The following NPLOC4 variants were observed in gnomAD, a reference collection of about 807,000 sequenced individuals.
NPLOC4 encodes nuclear protein localization protein 4 homolog.
In NPLOC4, 18 loss-of-function variants were observed where a neutral mutation model predicts 80.6. The ratio of observed to expected loss-of-function variants is 0.22; its 90% CI spans 0.15 to 0.33. The LOEUF is 0.33. Among genes scored for constraint, NPLOC4 ranks in the 10% least tolerant of loss-of-function variants. NPLOC4 has a pLI of 1.00. For missense variants in NPLOC4, 540 were observed against 786.1 expected (o/e 0.69, Z 3.74); for synonymous variants, 313 against 301.5 (o/e 1.04, Z -0.39).
chr17:81,575,621 G>A (rs1217595651), intron 12 of NPLOC4, among the ~76,000 whole-genome samples: 2 of 152,204 alleles, frequency 1.3e-5, no homozygotes, highest in African/African-American at 4.8e-5. Flanking sequence ...AGGACAGCTG[G>A]ACAGCTGTGT....
chr17:81,605,293 TA>T (rs201813049), intron 7 of NPLOC4, among the ~76,000 whole-genome samples: 28,393 of 97,150 alleles, frequency 0.29, 2,957 homozygotes, highest in Non-Finnish European at 0.35. Flanking sequence ...AAAAAAAAAA[TA>T]AATAATAATA....
chr17:81,600,522 G>A, intron 8 of NPLOC4, 95 bp from the exon 9 acceptor site: 3 of 875,870 alleles, frequency 3.4e-6, no homozygotes, highest in Non-Finnish European at 5.6e-6. Context: ...GTCACAAGGA[G>A]TGCTGGGGGC....
At chr17:81,635,499 C>T (rs1452943864) in intron 1 of NPLOC4, among the ~76,000 whole-genome samples, 1 of 152,140 alleles carries the variant, frequency 6.6e-6, no homozygotes, top group African/African-American at 2.4e-5. Flanking sequence ...CAGAGAACAG[C>T]CTTGCAAATA....
chr17:81,607,621 A>C (rs1420507334), intron 6 of NPLOC4, among the ~76,000 whole-genome samples: 10 of 152,096 alleles, frequency 6.6e-5, no homozygotes, highest in Non-Finnish European at 1.5e-4. Context: ...CTCGTCACTG[A>C]ATCTGCATGC....
Position 81,559,273 on chromosome 17 carries a change from G to A in NPLOC4, c.1813C>T (p.Leu605Phe). ...PGTGHCEMCS[L>F]PRT ...GGGCAGGCGCCCTAGGTCCTGGGGA[G>A]GCTGCACATCTCGCAGTGGCCTGTG... Residue 605 changes from leucine to phenylalanine, a missense_variant, in exon 17 of 17, where the codon CTC becomes TTC. Transcript: ENST00000331134. The A allele has an allele frequency of 6.2e-7, 1 of 1,603,718 alleles. No individual in the cohort carries two copies. The highest frequency in any genetic ancestry group is 8.5e-7 in the Non-Finnish European group (1 of 1,175,808).
rs895104009 is a variant in NPLOC4, at chr17:81,559,344, G to A, written c.1742C>T (p.Ala581Val). Reference sequence around the variant, plus strand: ...GCAGTGCTGACAGGCCCACATGGCTGCAGTGGCCGTGTGTGTGGAGCCCCC... The same window carrying A: ...GCAGTGCTGACAGGCCCACATGGCTACAGTGGCCGTGTGTGTGGAGCCCCC... Reference protein sequence around the residue: ...AVGGSTHTATAAMWACQHCTF... With the variant: ...AVGGSTHTATVAMWACQHCTF... Residue 581 changes from alanine to valine, a missense_variant, in exon 17 of 17, where the codon GCA becomes GTA. Ala to Val is a moderately conservative substitution (Grantham distance 64). Transcript: ENST00000331134. The A allele has an allele frequency of 2.5e-6, 4 of 1,607,010 alleles. No homozygotes were observed. In the African/African-American group the frequency reaches 4.0e-5, roughly 16 times the overall value.
chr17:81,568,225 C>G (rs577870508), intron 14 of NPLOC4: 1 of 152,252 alleles, frequency 6.6e-6, no homozygotes, highest in Non-Finnish European at 1.5e-5. Flanking sequence ...CTTTTCCTGT[C>G]GAGCTGTATT....
chr17:81,594,807 G>A (rs2034852450), intron 11 of NPLOC4, among the ~76,000 whole-genome samples: 1 of 151,932 alleles, frequency 6.6e-6, no homozygotes, highest in African/African-American at 2.4e-5. Context: ...TTAACTGGGC[G>A]TGGTGGCGCA....
In NPLOC4 at chr17:81,599,293, A is replaced by AT. The variant is rs961353604; in HGVS notation, c.921+1047_921+1048insA. ...GAAAGAGCAAGACTCCTCAAAAAAA[A>AT]AAAATAAAATAAAATAAAAAGAGAA... On this transcript the variant is annotated intron_variant, in intron 9 of 16. Transcript: ENST00000331134. 1.8e-3 allele frequency among the ~76,000 whole-genome samples: 269 copies of AT among 151,970 alleles called. 2 individuals carry two copies. Among genetic ancestry groups the AT allele is most frequent in the African/African-American group, 6.2e-3 (259 of 41,454 alleles).
intron 7 of NPLOC4, among the ~76,000 whole-genome samples, chr17:81,604,953 C>T (rs868481846): frequency 6.6e-6 from 1 of 152,086 alleles, no homozygotes; most frequent in Non-Finnish European, 1.5e-5. Context: ...AGTGAGACCC[C>T]TTGTATCTTA....
At chr17:81,626,849 G>A (rs576209255) in intron 2 of NPLOC4, among the ~76,000 whole-genome samples, 1 of 152,250 alleles carries the variant, frequency 6.6e-6, no homozygotes, top group Admixed American at 6.5e-5. Context: ...CAGCACTTTG[G>A]GAGGCTGAGG....
rs1251751833 is a variant in NPLOC4 at position 81,567,029 on chromosome 17, GA to G, written c.1566+387del. 5.2e-6 allele frequency: 1 copy of G among 192,092 alleles called. No individual in the cohort carries two copies. The highest frequency in any genetic ancestry group is 1.1e-5 in the Non-Finnish European group (1 of 91,804). The allele number at this position is 192,092 out of a possible 1,614,324, so 11.9% of individuals were successfully genotyped here. A position where few individuals can be genotyped will look rare whatever the true frequency, so the allele number is the denominator to read the frequency against. Reference sequence around the variant, plus strand: ...CCAGAGTTGATTTAGGAGGAGGGGAGATATGAGTAAAAAGCAGAGGCTGTGA... The same window carrying G: ...CCAGAGTTGATTTAGGAGGAGGGGAGTATGAGTAAAAAGCAGAGGCTGTGA... On this transcript the variant is annotated intron_variant, in intron 15 of 16. Transcript: ENST00000331134. This position sits in a 1 kb window ranked among gnomAD's most constrained non-coding sequence, Gnocchi z 4.5.
intron 2 of NPLOC4, among the ~76,000 whole-genome samples, chr17:81,624,618 A>G (rs2144310523): frequency 6.6e-6 from 1 of 152,302 alleles, no homozygotes; most frequent in Non-Finnish European, 1.5e-5. Context: ...AAACAAAAAA[A>G]AGACAAGGTT....
At chr17:81,575,069 C>T (rs542420631) in intron 12 of NPLOC4, among the ~76,000 whole-genome samples, 1 of 152,256 alleles carries the variant, frequency 6.6e-6, no homozygotes, top group Admixed American at 6.5e-5. Context: ...CACAGGATAA[C>T]TCAGAAAAAA....
intron 12 of NPLOC4, among the ~76,000 whole-genome samples, chr17:81,586,709 G>C (rs1344777048): frequency 6.6e-6 from 1 of 152,080 alleles, no homozygotes; most frequent in African/African-American, 2.4e-5. Flanking sequence ...CTTCTGGACA[G>C]ACTGTATCTC....
rs78253309 is a variant in NPLOC4, at chr17:81,577,215, G to A, written c.1282-5127C>T. ...CTCCTATGTCCCCTCAGCTCCCCAC[G>A]GCGCTCTGACCCGCCCCACCCCATC... On this transcript the variant is annotated intron_variant, in intron 12 of 16. Coordinates refer to ENST00000331134, the MANE Select transcript of NPLOC4 (RefSeq NM_017921.4). The surrounding 1 kb of genome is among the most constrained non-coding windows in gnomAD (Gnocchi z 4.3). Among the ~76,000 whole-genome samples, 1,856 of 151,880 alleles carry A rather than the reference G, an allele frequency of 0.012. 104 individuals carry two copies. In the East Asian group the frequency reaches 0.13, roughly 11 times the overall value.
At chr17:81,562,450 A>C (rs1353446348) in intron 16 of NPLOC4, 1 of 152,126 alleles carries the variant, frequency 6.6e-6, no homozygotes, top group African/African-American at 2.4e-5. Flanking sequence ...GAGGCTGGAC[A>C]ATGGCTTGAA....
intron 12 of NPLOC4, among the ~76,000 whole-genome samples, chr17:81,583,306 A>G (rs895364574): frequency 3.9e-5 from 6 of 152,260 alleles, no homozygotes; most frequent in Non-Finnish European, 7.3e-5. Flanking sequence ...CACAAGACCA[A>G]TTAAATACAT....
chr17:81,627,301 G>C (rs1480267800), intron 2 of NPLOC4, among the ~76,000 whole-genome samples: 1 of 147,604 alleles, frequency 6.8e-6, no homozygotes, highest in Non-Finnish European at 1.5e-5. Flanking sequence ...CTGAGGCAGG[G>C]AAATGGCATG....
Sources: gnomAD v4.1 joint callset for allele counts (sites outside exome capture counted in the v4.1 genomes callset) on GRCh38, gnomAD v4.1.1 for gene constraint, Gnocchi (gnomAD v3.1) non-coding constraint, MANE v1.5 for transcripts, NCBI Gene and HGNC (gene_info 2026-07-23, HGNC 2026-07-21) for gene names.